MATN2: variants seen among roughly 807,000 people sequenced by gnomAD.
The protein encoded by MATN2 is matrilin-2.
A neutral mutation model predicts 103.2 loss-of-function variants in MATN2; 69 were observed. The ratio of observed to expected loss-of-function variants is 0.67; its 90% CI spans 0.55 to 0.82. The LOEUF (loss-of-function observed/expected upper bound fraction) is 0.82. Among genes scored for constraint, MATN2 ranks in the 40% least tolerant of loss-of-function variants. The probability of loss-of-function intolerance (pLI) is 0.00; values close to 1 mark genes in which losing one functional copy is unlikely to be tolerated. For synonymous variants in MATN2, 429 were observed against 450.2 expected, an observed-to-expected ratio of 0.95 and a Z score of 0.60; for missense variants, 1,023 against 1,211.5, an observed-to-expected ratio of 0.84 and a Z score of 2.31.
chr8:97,994,189 A>AG (rs1196266385), intron 6 of MATN2, among the ~76,000 whole-genome samples: 1 of 126,052 alleles, frequency 7.9e-6, no homozygotes, highest in African/African-American at 3.0e-5. Context: ...AGGAGGAGGG[A>AG]GGGGGGAAGA....
intron 7 of MATN2, among the ~76,000 whole-genome samples, chr8:97,995,515 G>A (rs1235892786): frequency 6.6e-6 from 1 of 152,156 alleles, no homozygotes; most frequent in Non-Finnish European, 1.5e-5. Context: ...GGGGTCTGCT[G>A]ACAATGTCAT....
chr8:97,904,053 G>T (rs1819081564), intron 2 of MATN2, among the ~76,000 whole-genome samples: 1 of 152,062 alleles, frequency 6.6e-6, no homozygotes, highest in African/African-American at 2.4e-5. Flanking sequence ...ATCTGTTTTT[G>T]TATTTAGATT....
chr8:98,033,272 T>C (rs1003510192), intron 17 of MATN2, 96 bp downstream of exon 17: 1 of 1,097,308 alleles, frequency 9.1e-7, no homozygotes, highest in African/African-American at 1.6e-5. Context: ...AAGAAGGAAG[T>C]AGGAAATAGT....
chr8:97,935,291 G>A (rs568289079), intron 3 of MATN2, among the ~76,000 whole-genome samples: 85 of 152,234 alleles, frequency 5.6e-4, no homozygotes, highest in Admixed American at 2.6e-3. Context: ...TTAAAGATGA[G>A]GTGATACTAA....
At chr8:97,889,459 CTATATA>C (rs56115197) in intron 2 of MATN2, among the ~76,000 whole-genome samples, 2,906 of 123,366 alleles carry the variant, frequency 0.024, 121 homozygotes, top group African/African-American at 0.066. Context: ...CTCTCTCTGT[CTATATA>C]TATATATATA....
intron 4 of MATN2, chr8:97,950,811 C>T (rs993720258): frequency 1.3e-5 from 2 of 152,238 alleles, no homozygotes; most frequent in African/African-American, 4.8e-5. Flanking sequence ...GTTTTCAGGG[C>T]AAACAGATGC....
intron 3 of MATN2, among the ~76,000 whole-genome samples, chr8:97,933,590 C>T (rs1810274198): frequency 6.8e-6 from 1 of 147,016 alleles, no homozygotes; most frequent in African/African-American, 2.5e-5. Flanking sequence ...GTGGAAAAAC[C>T]ATCTCTGTGT....
At chr8:98,009,580 T>C (rs1813089564) in intron 10 of MATN2, among the ~76,000 whole-genome samples, 1 of 152,238 alleles carries the variant, frequency 6.6e-6, no homozygotes, top group Non-Finnish European at 1.5e-5. Context: ...TGGGCACTGC[T>C]GTGCCCCTAC....
At chr8:98,000,196 C>A (rs560286604) in intron 7 of MATN2, among the ~76,000 whole-genome samples, 1 of 152,018 alleles carries the variant, frequency 6.6e-6, no homozygotes, top group African/African-American at 2.4e-5. Context: ...TTTAAGAGAC[C>A]CTTTGAGGGG....
At chr8:97,912,804 G>C (rs890627943) in intron 2 of MATN2, among the ~76,000 whole-genome samples, 1 of 152,322 alleles carries the variant, frequency 6.6e-6, no homozygotes, top group African/African-American at 2.4e-5. Context: ...CGTGAGTGAG[G>C]CATCAAAGAG....
intron 2 of MATN2, among the ~76,000 whole-genome samples, chr8:97,913,593 G>C (rs1324927022): frequency 6.7e-6 from 1 of 149,978 alleles, no homozygotes; most frequent in Non-Finnish European, 1.5e-5. Context: ...AGGATTACAG[G>C]TATATGCCAC....
At chr8:97,995,355 T>C (rs1812546687) in intron 7 of MATN2, among the ~76,000 whole-genome samples, 1 of 152,268 alleles carries the variant, frequency 6.6e-6, no homozygotes, top group Non-Finnish European at 1.5e-5. Context: ...AATCTTTCTA[T>C]GATGTATCAT....
intron 2 of MATN2, among the ~76,000 whole-genome samples, chr8:97,900,209 A>G (rs1818935017): frequency 6.6e-6 from 1 of 152,212 alleles, no homozygotes; most frequent in Non-Finnish European, 1.5e-5. Flanking sequence ...TCAGAAGACC[A>G]TGGGGCTAGA....
At chr8:98,033,264 G>A (rs1814107669) in intron 17 of MATN2, 88 bp downstream of exon 17, 1 of 1,179,372 alleles carries the variant, frequency 8.5e-7, no homozygotes, top group Non-Finnish European at 1.2e-6. Context: ...GGAAAGGAAA[G>A]AAGGAAGTAG....
chr8:97,930,584 A>G (rs889635434), intron 2 of MATN2: 2 of 167,958 alleles, frequency 1.2e-5, no homozygotes, highest in African/African-American at 4.8e-5. Context: ...AACAATAGCC[A>G]GTCTGCCCTG....
rs4734379 is a variant in MATN2 at position 97,938,846 on chromosome 8, T to C, written c.713-2931T>C. On this transcript the variant is annotated intron_variant, in intron 3 of 18. Transcript: ENST00000254898. ...CAACTAATCAATACGTAGCCTTGTT[T>C]TATGTGTGTTTCTGTTTAAAAACAT... Among the ~76,000 whole-genome samples, 357 of 152,260 alleles carry C rather than the reference T, an allele frequency of 2.3e-3. 10 individuals carry two copies. Among genetic ancestry groups the C allele is most frequent in the Admixed American group, 0.022 (338 of 15,278 alleles).
rs556661861 is a variant in MATN2 at position 97,989,236 on chromosome 8, G to A, written c.1082-5244G>A. ...TGTAATCCCAGTACTTTGGGAGGCC[G>A]AGGCGGGCGGATCATGAGGTCAGGA... On this transcript the variant is annotated intron_variant, in intron 6 of 18. Transcript: ENST00000254898. Among the ~76,000 whole-genome samples, 70 of 152,318 alleles carry A rather than the reference G, an allele frequency of 4.6e-4. No individual in the cohort carries two copies. In the South Asian group the frequency reaches 0.014, roughly 31 times the overall value.
chr8:97,904,273 T>A (rs974787296), intron 2 of MATN2, among the ~76,000 whole-genome samples: 2 of 152,258 alleles, frequency 1.3e-5, no homozygotes, highest in Non-Finnish European at 2.9e-5. Flanking sequence ...TTTAATTTCT[T>A]TAAAAGCCAT....
Position 98,035,817 on chromosome 8 carries a change from A to G in MATN2, c.*105A>G. On this transcript the variant is annotated 3_prime_UTR_variant, in exon 19 of 19. Transcript: ENST00000254898. ...TATTGTTAAATCAATAATGTTGTGA[A>G]GTAAAACAATCAGTACTGAGAAACC... is the stretch of plus-strand genomic sequence containing the variant. 1 of 656,912 alleles carries G rather than the reference A, an allele frequency of 1.5e-6. No individual in the cohort carries two copies. Among genetic ancestry groups the G allele is most frequent in the Non-Finnish European group, 2.5e-6 (1 of 403,026 alleles). 40.7% of individuals were successfully genotyped at this position (656,912 alleles called of 1,614,324 possible).
Sources: allele counts gnomAD v4.1 joint callset (sites outside exome capture counted in the v4.1 genomes callset), GRCh38; gene constraint gnomAD v4.1.1; transcripts MANE v1.5; gene names NCBI Gene and HGNC (gene_info 2026-07-23, HGNC 2026-07-21).